Variants in PRKCA observed in about 807,000 individuals in gnomAD.
The protein encoded by PRKCA is protein kinase C alpha type.
Under a neutral mutation model 87.0 loss-of-function variants are expected in PRKCA, and 27 were observed. The observed-to-expected ratio is 0.31, with a 90% CI of 0.23 to 0.43. The LOEUF (loss-of-function observed/expected upper bound fraction) is 0.43, where lower values mean the gene tolerates loss of function less well. Ranked by LOEUF, PRKCA falls within the 20% of genes least tolerant of loss-of-function variation. The probability of loss-of-function intolerance (pLI) is 1.00; values close to 1 mark genes in which losing one functional copy is unlikely to be tolerated. For synonymous variants in PRKCA, 329 were observed against 311.1 expected, an observed-to-expected ratio of 1.06 and a Z score of -0.61; for missense variants, 518 against 852.3, an observed-to-expected ratio of 0.61 and a Z score of 4.88.
chr17:66,579,462 C>T (rs1969350905), intron 3 of PRKCA, among the ~76,000 whole-genome samples: 1 of 152,178 alleles, frequency 6.6e-6, no homozygotes, highest in Non-Finnish European at 1.5e-5. Flanking sequence ...CAAGGGTTTA[C>T]CGTGTCAGGC....
intron 2 of PRKCA, among the ~76,000 whole-genome samples, chr17:66,485,203 A>G (rs1204379846): frequency 1.3e-5 from 2 of 152,214 alleles, no homozygotes; most frequent in Non-Finnish European, 2.9e-5. Context: ...GAATAATTGA[A>G]TGAATAAAAG....
intron 2 of PRKCA, among the ~76,000 whole-genome samples, chr17:66,317,590 TA>T (rs557844081): frequency 1.2e-4 from 18 of 152,056 alleles, no homozygotes; most frequent in Non-Finnish European, 2.5e-4. Flanking sequence ...GCTGTACAGA[TA>T]AGTAGCCAAT....
At chr17:66,635,754 A>G (rs1465307940) in intron 3 of PRKCA, among the ~76,000 whole-genome samples, 2 of 152,194 alleles carry the variant, frequency 1.3e-5, no homozygotes, top group South Asian at 2.1e-4. Flanking sequence ...ATGCTCTTGC[A>G]TTGGAATTAT....
At chr17:66,771,891 G>A (rs913053255) in intron 13 of PRKCA, among the ~76,000 whole-genome samples, 6 of 152,160 alleles carry the variant, frequency 3.9e-5, no homozygotes, top group Non-Finnish European at 4.4e-5. Context: ...CACCACGCCC[G>A]CCGCTTCCTT....
chr17:66,455,793 G>A (rs1424139115), intron 2 of PRKCA, among the ~76,000 whole-genome samples: 3 of 152,110 alleles, frequency 2.0e-5, no homozygotes, highest in African/African-American at 4.8e-5. Flanking sequence ...GGAGTGAGAC[G>A]TTCATATCAG....
At chr17:66,337,231 G>A (rs1270425072) in intron 2 of PRKCA, among the ~76,000 whole-genome samples, 1 of 152,156 alleles carries the variant, frequency 6.6e-6, no homozygotes, top group African/African-American at 2.4e-5. Flanking sequence ...ATGTCTGAGG[G>A]TGAGGAGAGG....
chr17:66,584,235 T>C (rs28446529), intron 3 of PRKCA, among the ~76,000 whole-genome samples: 1 of 151,894 alleles, frequency 6.6e-6, no homozygotes. Flanking sequence ...TTTGTTTTTG[T>C]TTTTTCGATG....
At chr17:66,466,135 G>A (rs1402332349) in intron 2 of PRKCA, among the ~76,000 whole-genome samples, 3 of 152,198 alleles carry the variant, frequency 2.0e-5, no homozygotes, top group African/African-American at 7.2e-5. Context: ...CCAATACTGA[G>A]AATTTTAAGA....
At chr17:66,620,934 G>A (rs1453409484) in intron 3 of PRKCA, among the ~76,000 whole-genome samples, 1 of 152,198 alleles carries the variant, frequency 6.6e-6, no homozygotes, top group African/African-American at 2.4e-5. Context: ...GTTCCATGAT[G>A]AAGTTGTCCC....
At chr17:66,401,681 G>A (rs778581874) in intron 2 of PRKCA, among the ~76,000 whole-genome samples, 1 of 152,074 alleles carries the variant, frequency 6.6e-6, no homozygotes, top group African/African-American at 2.4e-5. Flanking sequence ...TGAGGAGAAG[G>A]GAGAAAACCT....
intron 2 of PRKCA, among the ~76,000 whole-genome samples, chr17:66,427,877 G>A (rs776054980): frequency 2.0e-5 from 3 of 152,140 alleles, no homozygotes; most frequent in Non-Finnish European, 2.9e-5. Context: ...CATCTTGATG[G>A]TCCTAGATTA....
intron 3 of PRKCA, among the ~76,000 whole-genome samples, chr17:66,622,497 C>T (rs996898936): frequency 1.3e-5 from 2 of 152,158 alleles, no homozygotes; most frequent in African/African-American, 4.8e-5. Context: ...AGAGAATTGA[C>T]CCATGGTGGT....
chr17:66,758,469 G>A (rs1974607697), intron 13 of PRKCA, among the ~76,000 whole-genome samples: 1 of 152,166 alleles, frequency 6.6e-6, no homozygotes, highest in African/African-American at 2.4e-5. Context: ...AATACAGATG[G>A]TCCCCAGTTT....
At chr17:66,383,578 C>T (rs1190918282) in intron 2 of PRKCA, among the ~76,000 whole-genome samples, 2 of 152,156 alleles carry the variant, frequency 1.3e-5, no homozygotes, top group East Asian at 3.8e-4. Context: ...GGAATGATGC[C>T]TTTCTGTACT....
intron 2 of PRKCA, among the ~76,000 whole-genome samples, chr17:66,324,182 C>T (rs981050659): frequency 1.3e-5 from 2 of 152,196 alleles, no homozygotes; most frequent in Admixed American, 6.5e-5. Context: ...GTGTATAGAA[C>T]TTCACATAAA....
At chr17:66,645,876 G>C (rs1001705642) in intron 5 of PRKCA, among the ~76,000 whole-genome samples, 1 of 152,178 alleles carries the variant, frequency 6.6e-6, no homozygotes, top group African/African-American at 2.4e-5. Flanking sequence ...ACAAGGGGAG[G>C]CGAATGGATG....
intron 2 of PRKCA, among the ~76,000 whole-genome samples, chr17:66,455,407 G>C (rs1313011670): frequency 6.6e-6 from 1 of 152,158 alleles, no homozygotes; most frequent in East Asian, 1.9e-4. Flanking sequence ...TTGATGCTGT[G>C]AGAAGAAAAG....
chr17:66,784,890 C>T (rs540729046), intron 14 of PRKCA, among the ~76,000 whole-genome samples: 1 of 152,302 alleles, frequency 6.6e-6, no homozygotes, highest in African/African-American at 2.4e-5. Context: ...CCCTGGGGGC[C>T]TCTCAGGCTC....
intron 13 of PRKCA, among the ~76,000 whole-genome samples, chr17:66,762,246 T>C (rs1362316942): frequency 6.6e-6 from 1 of 152,250 alleles, no homozygotes; most frequent in Non-Finnish European, 1.5e-5. Flanking sequence ...TTTCCTTGAA[T>C]AACTTTCACC....
Sources: allele counts gnomAD v4.1 joint callset (sites outside exome capture counted in the v4.1 genomes callset), GRCh38; gene constraint gnomAD v4.1.1; transcripts MANE v1.5; gene names NCBI Gene and HGNC (gene_info 2026-07-23, HGNC 2026-07-21).